SCAPER: variants seen among roughly 807,000 people sequenced by gnomAD.
SCAPER encodes S phase cyclin A-associated protein in the endoplasmic reticulum.
SCAPER carries 98 observed loss-of-function variants against 182.2 expected under a neutral mutation model. The observed-to-expected ratio is 0.54, with a 90% confidence interval of 0.46 to 0.64. The LOEUF is 0.64. Among genes scored for constraint, SCAPER ranks in the 30% least tolerant of loss-of-function variants. The probability of loss-of-function intolerance (pLI) is 0.00; values close to 1 mark genes in which losing one functional copy is unlikely to be tolerated. For missense variants in SCAPER, 1,432 were observed against 1,690.0 expected (o/e 0.85, Z 2.68); for synonymous variants, 605 against 564.6 (o/e 1.07, Z -1.01).
chr15:76,427,372 A>C (rs909225850), intron 26 of SCAPER, among the ~76,000 whole-genome samples: 4 of 152,192 alleles, frequency 2.6e-5, no homozygotes, highest in African/African-American at 7.2e-5. Flanking sequence ...TCAACAGTGA[A>C]AAACTAAATA....
At chr15:76,450,778 C>G (rs1339091986) in intron 25 of SCAPER, among the ~76,000 whole-genome samples, 1 of 152,178 alleles carries the variant, frequency 6.6e-6, no homozygotes, top group African/African-American at 2.4e-5. Flanking sequence ...TGGTCTCGAA[C>G]TCCTGGGCTC....
chr15:76,784,321 C>T (rs1373502493), intron 8 of SCAPER, among the ~76,000 whole-genome samples: 1 of 152,150 alleles, frequency 6.6e-6, no homozygotes, highest in Non-Finnish European at 1.5e-5. Flanking sequence ...AGGAAACCAA[C>T]TTACAAGGGA....
intron 23 of SCAPER, among the ~76,000 whole-genome samples, chr15:76,546,481 T>C (rs2045294704): frequency 6.6e-6 from 1 of 152,164 alleles, no homozygotes; most frequent in African/African-American, 2.4e-5. Context: ...TTAGCCATCA[T>C]GTCTGACCAT....
intron 23 of SCAPER, among the ~76,000 whole-genome samples, chr15:76,552,092 C>A (rs1472357746): frequency 6.6e-6 from 1 of 151,910 alleles, no homozygotes; most frequent in Non-Finnish European, 1.5e-5. Flanking sequence ...TCAGGACCAG[C>A]CTGGGCAACA....
intron 29 of SCAPER, among the ~76,000 whole-genome samples, chr15:76,355,788 C>T (rs1163090398): frequency 6.6e-6 from 1 of 152,166 alleles, no homozygotes; most frequent in African/African-American, 2.4e-5. Context: ...GAGGCAGAGC[C>T]CCTTAGGGAC....
At chr15:76,827,524 T>A (rs767679908) in intron 5 of SCAPER, among the ~76,000 whole-genome samples, 1 of 152,134 alleles carries the variant, frequency 6.6e-6, no homozygotes, top group Non-Finnish European at 1.5e-5. Context: ...ATCCAAGTTT[T>A]ACAGCAGGAA....
chr15:76,613,592 G>T (rs938731350), intron 22 of SCAPER, among the ~76,000 whole-genome samples: 4 of 152,150 alleles, frequency 2.6e-5, no homozygotes, highest in African/African-American at 9.7e-5. Flanking sequence ...TAAAAAGTGG[G>T]CAAAGGATAT....
At chr15:76,765,499 T>C in intron 12 of SCAPER, 45 bp from the exon 13 acceptor site, 1 of 1,609,496 alleles carries the variant, frequency 6.2e-7, no homozygotes, top group South Asian at 1.1e-5. Context: ...CATAGGTCTA[T>C]AAAACATTTG....
intron 22 of SCAPER, among the ~76,000 whole-genome samples, chr15:76,603,870 A>C (rs1195123255): frequency 8.3e-6 from 1 of 120,466 alleles, no homozygotes; most frequent in African/African-American, 2.5e-5. Context: ...CCACTTTTTG[A>C]TGGGGTTGTT....
chr15:76,713,822 T>G (rs183291664), intron 17 of SCAPER, among the ~76,000 whole-genome samples: 79 of 152,074 alleles, frequency 5.2e-4, no homozygotes, highest in African/African-American at 1.9e-3. Flanking sequence ...AAAAATAGTT[T>G]TAAGTTTCCT....
chr15:76,841,786 A>G lies in SCAPER; in HGVS notation c.341T>C (p.Val114Ala). ...AFLFDNLRRA[V>A]DEIYVTCESD... Reference sequence around the variant, plus strand: ...TTCGCAAGTTACATAGATTTCATCTACTGCTCGGCGAAGATTATCAAAAAG... The same window carrying G: ...TTCGCAAGTTACATAGATTTCATCTGCTGCTCGGCGAAGATTATCAAAAAG... The change falls in exon 5 of 32, where the codon GTA becomes GCA. Residue 114 changes from valine to alanine, a missense_variant. By Grantham distance (64) the Val-to-Ala change is moderately conservative. Transcript: ENST00000563290. 6.2e-7 allele frequency: 1 copy of G among 1,613,938 alleles called. No individual in the cohort carries two copies. The highest frequency in any genetic ancestry group is 8.5e-7 in the Non-Finnish European group (1 of 1,179,872).
chr15:76,662,501 C>A (rs58265327), intron 21 of SCAPER, among the ~76,000 whole-genome samples: 13,977 of 151,858 alleles, frequency 0.092, 789 homozygotes, highest in African/African-American at 0.15. Flanking sequence ...AGACTTTCTA[C>A]AAAGCTATAG....
intron 5 of SCAPER, among the ~76,000 whole-genome samples, chr15:76,825,314 T>A (rs1230482000): frequency 6.6e-6 from 1 of 152,190 alleles, no homozygotes; most frequent in Non-Finnish European, 1.5e-5. Context: ...TGTTAACTGA[T>A]GATAGCTCCT....
chr15:76,897,454 CTA>C (rs2074501101), intron 1 of SCAPER, among the ~76,000 whole-genome samples: 1 of 152,060 alleles, frequency 6.6e-6, no homozygotes, highest in South Asian at 2.1e-4. Context: ...ACCTGTAATC[CTA>C]GCACTTTGGG....
intron 23 of SCAPER, among the ~76,000 whole-genome samples, chr15:76,551,569 A>G (rs909496324): frequency 1.6e-4 from 24 of 152,252 alleles, no homozygotes; most frequent in Middle Eastern, 3.4e-3. Context: ...AGAGGAGGAG[A>G]TGAGAAGAGA....
At chr15:76,844,592 T>A (rs2069851713) in intron 4 of SCAPER, among the ~76,000 whole-genome samples, 1 of 152,122 alleles carries the variant, frequency 6.6e-6, no homozygotes, top group African/African-American at 2.4e-5. Flanking sequence ...AGAAACTATA[T>A]GCTAATAAAT....
At chr15:76,714,217 G>A (rs781419144) in intron 17 of SCAPER, among the ~76,000 whole-genome samples, 11 of 152,132 alleles carry the variant, frequency 7.2e-5, no homozygotes, top group African/African-American at 1.4e-4. Flanking sequence ...ATATTTGGGC[G>A]GGGTGGTGAT....
At chr15:76,671,103 G>A (rs530549411) in intron 20 of SCAPER, among the ~76,000 whole-genome samples, 1 of 152,178 alleles carries the variant, frequency 6.6e-6, no homozygotes, top group South Asian at 2.1e-4. Context: ...CACTTTGGGA[G>A]GCAGAGGCGG....
intron 25 of SCAPER, among the ~76,000 whole-genome samples, chr15:76,468,798 C>T (rs75481831): frequency 2.9e-4 from 44 of 152,010 alleles, no homozygotes; most frequent in African/African-American, 9.7e-4. Context: ...TATCTGGAGA[C>T]GGGGCCTGTG....
Sources: gnomAD v4.1 joint callset for allele counts (sites outside exome capture counted in the v4.1 genomes callset) on GRCh38, gnomAD v4.1.1 for gene constraint, MANE v1.5 for transcripts, NCBI Gene and HGNC (gene_info 2026-07-23, HGNC 2026-07-21) for gene names.